Variants in SLC9A9 observed in about 807,000 individuals in gnomAD.
The protein encoded by SLC9A9 is solute carrier family 9 member A9, also known as sodium/hydrogen exchanger 9.
In SLC9A9, 62 loss-of-function variants were observed where a neutral mutation model predicts 77.8. That is an observed-to-expected ratio of 0.80 (90% CI 0.65 to 0.98). The LOEUF (loss-of-function observed/expected upper bound fraction) is 0.98, where lower values mean the gene tolerates loss of function less well. Among genes scored for constraint, SLC9A9 ranks in the 50% least tolerant of loss-of-function variants. The pLI, the probability that SLC9A9 is intolerant of heterozygous loss-of-function variation, is 0.00. For missense variants in SLC9A9, 775 were observed against 774.9 expected (o/e 1.00, Z 0.00); for synonymous variants, 320 against 283.5 (o/e 1.13, Z -1.29).
Position 143,529,250 on chromosome 3 carries a change from A to G in SLC9A9, c.1089+23112T>C, listed in dbSNP as rs72993913. ...AACCGCAATACTGAGATAGCTAAGAAAACACAAATTCAACTTTTAAAACGT... is the reference window on the plus strand; with the variant it reads ...AACCGCAATACTGAGATAGCTAAGAGAACACAAATTCAACTTTTAAAACGT... On this transcript the variant is annotated intron_variant, in intron 9 of 15. Coordinates refer to ENST00000316549, the MANE Select transcript of SLC9A9 (RefSeq NM_173653.4). Among the ~76,000 whole-genome samples the G allele has an allele frequency of 2.9e-3, 439 of 152,360 alleles. 3 individuals are homozygous for G. Among genetic ancestry groups the G allele is most frequent in the African/African-American group, 9.7e-3 (404 of 41,578 alleles).
At chr3:143,487,704 A>G (rs1231738383) in intron 11 of SLC9A9, among the ~76,000 whole-genome samples, 2 of 151,904 alleles carry the variant, frequency 1.3e-5, no homozygotes, top group Non-Finnish European at 3.0e-5. Flanking sequence ...GGTGAATGAT[A>G]AGAAAACACA....
chr3:143,710,459 A>C (rs1934111509), intron 4 of SLC9A9, among the ~76,000 whole-genome samples: 1 of 152,204 alleles, frequency 6.6e-6, no homozygotes, highest in Non-Finnish European at 1.5e-5. Flanking sequence ...TTAGAGGCTT[A>C]TTCACAACCC....
At chr3:143,402,092 C>T (rs184201400) in intron 12 of SLC9A9, among the ~76,000 whole-genome samples, 2 of 152,184 alleles carry the variant, frequency 1.3e-5, no homozygotes, top group Admixed American at 6.5e-5. Flanking sequence ...GATGATCGCA[C>T]CCTACCATGT....
chr3:143,716,307 C>T (rs960142453), intron 4 of SLC9A9, among the ~76,000 whole-genome samples: 4 of 152,106 alleles, frequency 2.6e-5, no homozygotes, highest in African/African-American at 7.2e-5. Context: ...CTCCTGGGCT[C>T]AAGCAATTCT....
chr3:143,577,569 C>T (rs188895193), intron 7 of SLC9A9, among the ~76,000 whole-genome samples: 1 of 152,308 alleles, frequency 6.6e-6, no homozygotes, highest in African/African-American at 2.4e-5. Context: ...CACTCACTTT[C>T]TATCCCAGTC....
intron 6 of SLC9A9, among the ~76,000 whole-genome samples, chr3:143,614,017 A>G (rs991855156): frequency 8.5e-5 from 13 of 152,290 alleles, no homozygotes; most frequent in African/African-American, 2.9e-4. Flanking sequence ...TCTCTCTTCT[A>G]TTCAAATGTT....
intron 2 of SLC9A9, among the ~76,000 whole-genome samples, chr3:143,814,100 G>A (rs753818769): frequency 2.0e-5 from 3 of 152,128 alleles, no homozygotes; most frequent in Non-Finnish European, 4.4e-5. Context: ...GTAAAATAGA[G>A]GTAAAAATAG....
intron 9 of SLC9A9, among the ~76,000 whole-genome samples, chr3:143,511,946 T>A (rs1156926425): frequency 6.6e-6 from 1 of 152,158 alleles, no homozygotes; most frequent in Non-Finnish European, 1.5e-5. Flanking sequence ...TACCCTGGAA[T>A]TTCACCTTGT....
intron 6 of SLC9A9, among the ~76,000 whole-genome samples, chr3:143,645,031 G>C (rs983390922): frequency 1.3e-5 from 2 of 152,178 alleles, no homozygotes; most frequent in Non-Finnish European, 2.9e-5. Context: ...AATTGGAGGA[G>C]CACTAATGAG....
At chr3:143,420,167 G>A (rs1485351394) in intron 12 of SLC9A9, among the ~76,000 whole-genome samples, 1 of 152,162 alleles carries the variant, frequency 6.6e-6, no homozygotes, top group Non-Finnish European at 1.5e-5. Flanking sequence ...GGTCCAATCT[G>A]TACCCAGACA....
intron 4 of SLC9A9, among the ~76,000 whole-genome samples, chr3:143,751,878 C>T (rs1277291205): frequency 6.6e-6 from 1 of 152,176 alleles, no homozygotes. Flanking sequence ...TTGCCTTTCT[C>T]CTCAGCACTG....
intron 4 of SLC9A9, among the ~76,000 whole-genome samples, chr3:143,785,301 T>C (rs764709160): frequency 2.6e-5 from 4 of 152,172 alleles, no homozygotes; most frequent in Non-Finnish European, 5.9e-5. Context: ...TGCATTTCTG[T>C]CCCCACTCTC....
intron 14 of SLC9A9, among the ~76,000 whole-genome samples, chr3:143,322,299 C>T (rs1189955106): frequency 6.6e-6 from 1 of 152,136 alleles, no homozygotes; most frequent in African/African-American, 2.4e-5. Flanking sequence ...CAGTTGAAGG[C>T]CAGACTAGAA....
intron 11 of SLC9A9, among the ~76,000 whole-genome samples, chr3:143,469,689 G>A (rs571315644): frequency 3.3e-5 from 5 of 152,232 alleles, no homozygotes; most frequent in East Asian, 1.9e-4. Flanking sequence ...CACAGGATTC[G>A]ACTAGAGAGA....
At chr3:143,589,902 G>T (rs916213709) in intron 6 of SLC9A9, among the ~76,000 whole-genome samples, 2 of 152,068 alleles carry the variant, frequency 1.3e-5, no homozygotes, top group African/African-American at 4.8e-5. Context: ...ATAGACTGAG[G>T]CAAAGTCCAC....
intron 2 of SLC9A9, among the ~76,000 whole-genome samples, chr3:143,828,582 CAG>C (rs886605919): frequency 3.5e-4 from 53 of 149,402 alleles, no homozygotes; most frequent in Non-Finnish European, 5.7e-4. Flanking sequence ...CACACACACA[CAG>C]AGAGAGAGAG....
intron 4 of SLC9A9, among the ~76,000 whole-genome samples, chr3:143,780,393 C>T (rs1287320024): frequency 6.6e-6 from 1 of 152,112 alleles, no homozygotes; most frequent in African/African-American, 2.4e-5. Context: ...TGATCATAAC[C>T]ATGGAGAAAA....
At chr3:143,592,296 G>A (rs1296199183) in intron 6 of SLC9A9, among the ~76,000 whole-genome samples, 3 of 152,244 alleles carry the variant, frequency 2.0e-5, no homozygotes, top group Non-Finnish European at 4.4e-5. Flanking sequence ...CAGGGTGGAA[G>A]TGGGAGGATC....
chr3:143,268,634 G>A (rs1578249773), intron 15 of SLC9A9, among the ~76,000 whole-genome samples: 1 of 150,682 alleles, frequency 6.6e-6, no homozygotes, highest in African/African-American at 2.4e-5. Context: ...TCGGGAGGCC[G>A]AGGCAGGAGA....
Sources: allele counts gnomAD v4.1 joint callset (sites outside exome capture counted in the v4.1 genomes callset), GRCh38; gene constraint gnomAD v4.1.1; transcripts MANE v1.5; gene names NCBI Gene and HGNC (gene_info 2026-07-23, HGNC 2026-07-21).